The following KRT39 variants were observed in gnomAD, a reference collection of about 807,000 sequenced individuals.
KRT39 encodes keratin 39, also known as keratin, type I cytoskeletal 39.
KRT39 carries 47 observed loss-of-function variants against 54.8 expected under a neutral mutation model. That is an observed-to-expected ratio of 0.86 (90% confidence interval 0.68 to 1.09). The LOEUF (loss-of-function observed/expected upper bound fraction) is 1.09, where lower values mean the gene tolerates loss of function less well. Among genes scored for constraint, KRT39 ranks in the 50% least tolerant of loss-of-function variants. KRT39 has a pLI of 0.00. For synonymous variants in KRT39, 207 were observed against 227.9 expected, an observed-to-expected ratio of 0.91 and a Z score of 0.83; for missense variants, 580 against 598.5, an observed-to-expected ratio of 0.97 and a Z score of 0.32.
chr17:40,964,863 C>A (rs532626372), intron 1 of KRT39, among the ~76,000 whole-genome samples: 116 of 151,426 alleles, frequency 7.7e-4, no homozygotes, highest in African/African-American at 2.8e-3. Context: ...GAGATCAAGA[C>A]CATCCTGGCC....
intron 1 of KRT39, among the ~76,000 whole-genome samples, chr17:40,965,800 G>T (rs1911363406): frequency 6.6e-6 from 1 of 152,152 alleles, no homozygotes; most frequent in South Asian, 2.1e-4. Flanking sequence ...GCAACAACTT[G>T]CTGTTAACAT....
At chr17:40,960,942 C>T (rs1426344284) in intron 5 of KRT39, among the ~76,000 whole-genome samples, 1 of 152,056 alleles carries the variant, frequency 6.6e-6, no homozygotes, top group Non-Finnish European at 1.5e-5. Context: ...CCAGCCTGGC[C>T]AAGATGGTGA....
At position 40,966,840 on chromosome 17, in the gene KRT39, C is replaced by A; in HGVS notation, c.17G>T (p.Cys6Phe). ...GGTTGAAGGAGAATTGGTTGTTGTA[C>A]AGCCCTTGGTGTCCATAGTATGTGT... Reference protein sequence around the residue: MDTKGCTTTNSPSTPC... With the variant: MDTKGFTTTNSPSTPC... The change falls in exon 1 of 7, where the codon TGT becomes TTT. Residue 6 changes from cysteine to phenylalanine, a missense_variant. By Grantham distance (205) the Cys-to-Phe change is radical (BLOSUM62 -2). Coordinates refer to ENST00000355612, the MANE Select transcript of KRT39 (RefSeq NM_213656.4). 6.2e-7 allele frequency: 1 copy of A among 1,611,608 alleles called. No homozygotes were observed. The highest frequency in any genetic ancestry group is 1.1e-5 in the South Asian group (1 of 91,040).
Position 40,963,794 on chromosome 17 carries a change from C to T in KRT39, c.552-11G>A. ...ACCTCAGCTTCGTATCTTTAAAAAC[C>T]AGATGGGAAAAGAGAGACATCTGAA... On this transcript the variant is annotated splice_polypyrimidine_tract_variant and intron_variant, in intron 2 of 6. Transcript: ENST00000355612. The T allele has an allele frequency of 4.5e-6, 7 of 1,566,602 alleles. No individual in the cohort carries two copies. The East Asian group carries it at 1.6e-4, about 36-fold the overall frequency.
chr17:40,964,237 T>C, intron 2 of KRT39: 1 of 560,554 alleles, frequency 1.8e-6, no homozygotes, highest in African/African-American at 1.9e-5. Flanking sequence ...GGTAATCAAA[T>C]GGGTTCACAA....
At chr17:40,964,424 T>C in intron 2 of KRT39, 22 bp downstream of exon 2, 1 of 1,610,208 alleles carries the variant, frequency 6.2e-7, no homozygotes, top group Non-Finnish European at 8.5e-7. Flanking sequence ...CTGTCATTGA[T>C]GACGGTGTTG....
Position 40,966,448 on chromosome 17 carries a change from G to T in KRT39, c.409C>A (p.Pro137Thr), listed in dbSNP as rs1911399365. 6 of 1,614,152 alleles carry T rather than the reference G, an allele frequency of 3.7e-6. No homozygotes were observed. The highest frequency in any genetic ancestry group is 5.1e-6 in the Non-Finnish European group (6 of 1,180,020). ...KIQEESNKEL[P>T]VLCPDYLSYY... ...GACAGGTAATCAGGACATAGAACAG[G>T]GAGCTCTTTGTTACTTTCTTCCTGG... The change falls in exon 1 of 7, where the codon CCT becomes ACT. Residue 137 changes from proline to threonine, a missense_variant. Physicochemically the swap from Pro to Thr is conservative, Grantham distance 38. Coordinates refer to ENST00000355612, the MANE Select transcript of KRT39 (RefSeq NM_213656.4).
intron 5 of KRT39, 25 bp downstream of exon 5, chr17:40,962,137 T>G: frequency 6.2e-7 from 1 of 1,612,344 alleles, no homozygotes; most frequent in South Asian, 1.1e-5. Flanking sequence ...TTTGCTGAGC[T>G]AGGCTTGGTC....
chr17:40,963,761 G>A lies in KRT39; in HGVS notation c.574C>T (p.Arg192Cys), dbSNP rs377548095. 2.3e-4 allele frequency: 362 copies of A among 1,593,772 alleles called. No individual in the cohort carries two copies. The highest frequency in any genetic ancestry group is 3.0e-4 in the Non-Finnish European group (344 of 1,164,284). ...RAKYEAEVSLRQLVESDANGL... is the reference protein window; with the variant it reads ...RAKYEAEVSLCQLVESDANGL... Reference sequence around the variant, plus strand: ...TTGGCATCTGACTCTACCAGCTGGCGTAGAGACACCTCAGCTTCGTATCTT... The same window carrying A: ...TTGGCATCTGACTCTACCAGCTGGCATAGAGACACCTCAGCTTCGTATCTT... Residue 192 changes from arginine (R) to cysteine (C), a missense_variant, in exon 3 of 7, where the codon CGC (arginine) becomes TGC (cysteine). Coordinates refer to ENST00000355612, the MANE Select transcript of KRT39 (RefSeq NM_213656.4).
rs779800550 is a variant in KRT39 at position 40,963,620 on chromosome 17, G to A, written c.708+7C>T. 1 of 1,596,720 alleles carries A rather than the reference G, an allele frequency of 6.3e-7. No homozygotes were observed. Among genetic ancestry groups the A allele is most frequent in the East Asian group, 2.2e-5 (1 of 44,472 alleles). On this transcript the variant is annotated splice_region_variant and intron_variant, in intron 3 of 6. Coordinates refer to ENST00000355612, the MANE Select transcript of KRT39 (RefSeq NM_213656.4). ...GCTTGTGATTACTCTATTGGTCTTT[G>A]TCTCACCTCTTTGTGGTTGTTCTTG...
At chr17:40,964,273 A>G in intron 2 of KRT39, 173 bp downstream of exon 2, 1 of 646,528 alleles carries the variant, frequency 1.5e-6, no homozygotes, top group Non-Finnish European at 2.8e-6. Flanking sequence ...TACTGTATAC[A>G]TGTGAGCAGT....
chr17:40,962,580 A>G lies in KRT39; in HGVS notation c.709-17T>C. The G allele has an allele frequency of 6.2e-7, 1 of 1,607,090 alleles. No homozygotes were observed. The highest frequency in any genetic ancestry group is 8.5e-7 in the Non-Finnish European group (1 of 1,177,294). ...ATTGATTTCCTAAGGAAAGAAAAAG[A>G]CTGTGAAGTCACTTGGTGAACAGAT... On this transcript the variant is annotated splice_polypyrimidine_tract_variant and intron_variant, in intron 3 of 6. Coordinates refer to ENST00000355612, the MANE Select transcript of KRT39 (RefSeq NM_213656.4).
chr17:40,958,477 A>G lies in KRT39; in HGVS notation c.*124T>C, dbSNP rs1349612999. On this transcript the variant is annotated 3_prime_UTR_variant, in exon 7 of 7. Coordinates refer to ENST00000355612, the MANE Select transcript of KRT39 (RefSeq NM_213656.4). ...AAAGATATTCTACCTAGCAATGGGGACCCGCTGTAGTAGTAAGAAACTAAG... is the reference window on the plus strand; with the variant it reads ...AAAGATATTCTACCTAGCAATGGGGGCCCGCTGTAGTAGTAAGAAACTAAG... The G allele has an allele frequency of 1.2e-5, 12 of 1,013,076 alleles. No individual in the cohort carries two copies. The highest frequency in any genetic ancestry group is 1.7e-5 in the Non-Finnish European group (12 of 696,246). 62.8% of individuals were successfully genotyped at this position (1,013,076 alleles called of 1,614,324 possible). A position where few individuals can be genotyped will look rare whatever the true frequency, so the allele number is the denominator to read the frequency against.
intron 1 of KRT39, 111 bp downstream of exon 1, chr17:40,966,278 C>T (rs1392300222): frequency 2.4e-6 from 2 of 836,276 alleles, no homozygotes; most frequent in African/African-American, 3.4e-5. Context: ...TTCTATTCTT[C>T]AAAAAAATTT....
rs181415466 is a variant in KRT39 at position 40,963,740 on chromosome 17, C to T, written c.595G>A (p.Ala199Thr). ...VSLRQLVESDANGLKQILNVL... is the reference protein window; with the variant it reads ...VSLRQLVESDTNGLKQILNVL... ...TTCAGGATCTGCTTGAGGCCATTGG[C>T]ATCTGACTCTACCAGCTGGCGTAGA... is the stretch of plus-strand genomic sequence containing the variant. Residue 199 changes from alanine (A) to threonine (T), a missense_variant, in exon 3 of 7, where the codon GCC becomes ACC. Ala to Thr is a moderately conservative substitution (Grantham distance 58, BLOSUM62 0). Coordinates refer to ENST00000355612, the MANE Select transcript of KRT39 (RefSeq NM_213656.4). The T allele has an allele frequency of 5.0e-6, 8 of 1,606,902 alleles. No homozygotes were observed. The East Asian group carries it at 1.6e-4, about 31-fold the overall frequency.
At chr17:40,962,007 C>T (rs1290742579) in intron 5 of KRT39, among the ~76,000 whole-genome samples, 155 bp downstream of exon 5, 2 of 152,204 alleles carry the variant, frequency 1.3e-5, no homozygotes, top group African/African-American at 4.8e-5. Flanking sequence ...GTTTCGTAGA[C>T]TTATTTGGCC....
chr17:40,960,208 T>C (rs1911081333), intron 6 of KRT39, 73 bp downstream of exon 6: 2 of 1,348,618 alleles, frequency 1.5e-6, no homozygotes, highest in African/African-American at 1.4e-5. Context: ...TTGACCCCTG[T>C]TGCCAGTGGC....
intron 2 of KRT39, 152 bp from the exon 3 acceptor site, chr17:40,963,935 A>G (rs1452053172): frequency 1.6e-5 from 9 of 556,372 alleles, no homozygotes; most frequent in African/African-American, 3.7e-5. Context: ...ACCATTTGAT[A>G]TAGATCATAA....
At chr17:40,960,926 T>G (rs1328403829) in intron 5 of KRT39, among the ~76,000 whole-genome samples, 1 of 152,118 alleles carries the variant, frequency 6.6e-6, no homozygotes, top group Non-Finnish European at 1.5e-5. Context: ...GGTCAGGAGT[T>G]CAAGACCAGC....
Sources: gnomAD v4.1 joint callset for allele counts (sites outside exome capture counted in the v4.1 genomes callset) on GRCh38, gnomAD v4.1.1 for gene constraint, MANE v1.5 for transcripts, NCBI Gene and HGNC (gene_info 2026-07-23, HGNC 2026-07-21) for gene names.